The following APC variants were observed in gnomAD, a reference collection of about 807,000 sequenced individuals.
APC encodes APC regulator of Wnt signaling pathway.
APC carries 72 observed loss-of-function variants against 247.0 expected under a neutral mutation model. That is an observed-to-expected ratio of 0.29 (90% CI 0.24 to 0.35). The LOEUF is 0.35. APC is among the 10% of genes least tolerant of loss of function. The probability of loss-of-function intolerance (pLI) is 1.00; values close to 1 mark genes in which losing one functional copy is unlikely to be tolerated. For synonymous variants in APC, 1,254 were observed against 1,162.5 expected (o/e 1.08, Z -1.60); for missense variants, 3,400 against 3,360.7 (o/e 1.01, Z -0.29).
chr5:112,761,070 A>T (rs1755607258), intron 2 of APC, among the ~76,000 whole-genome samples: 1 of 152,144 alleles, frequency 6.6e-6, no homozygotes. Flanking sequence ...CGGCCTCCCA[A>T]AGTGCTGAGA....
intron 15 of APC, among the ~76,000 whole-genome samples, chr5:112,836,911 G>C (rs998543757): frequency 6.6e-6 from 1 of 152,038 alleles, no homozygotes; most frequent in East Asian, 1.9e-4. Flanking sequence ...ATGTTGGCCA[G>C]GCTGGTCTTG....
At chr5:112,721,339 G>A (rs572102931) in intron 1 of APC, among the ~76,000 whole-genome samples, 5 of 152,084 alleles carry the variant, frequency 3.3e-5, no homozygotes, top group Admixed American at 6.6e-5. Context: ...ACTTGAACCC[G>A]GAAGACGGAG....
chr5:112,713,106 G>A (rs1455321570), intron 1 of APC, among the ~76,000 whole-genome samples: 1 of 148,786 alleles, frequency 6.7e-6, no homozygotes, highest in Non-Finnish European at 1.5e-5. Flanking sequence ...AGGAAGTGGA[G>A]GTTGCAGTGA....
intron 1 of APC, among the ~76,000 whole-genome samples, chr5:112,717,141 G>A (rs984818925): frequency 6.6e-6 from 1 of 152,084 alleles, no homozygotes; most frequent in African/African-American, 2.4e-5. Flanking sequence ...CTCCTGAGTA[G>A]CTGGGATTAC....
chr5:112,707,716 C>A (rs1395970563), exon 1 of APC: 1 of 1,370,650 alleles, frequency 7.3e-7, no homozygotes, highest in Non-Finnish European at 9.6e-7. Flanking sequence ...TCGGCGCCCC[C>A]TATGTACGCC....
intron 4 of APC, among the ~76,000 whole-genome samples, chr5:112,768,872 T>C (rs190643178): frequency 1.3e-4 from 20 of 152,046 alleles, no homozygotes; most frequent in African/African-American, 4.1e-4. Flanking sequence ...TATACAGTAG[T>C]GTAGAACACA....
At chr5:112,715,708 G>A (rs902876365) in intron 1 of APC, among the ~76,000 whole-genome samples, 6 of 152,094 alleles carry the variant, frequency 3.9e-5, no homozygotes, top group Admixed American at 6.5e-5. Flanking sequence ...ATTTTGATAC[G>A]TGTATAAAAT....
intron 6 of APC, among the ~76,000 whole-genome samples, chr5:112,781,831 G>C (rs142726768): frequency 1.2e-3 from 183 of 149,632 alleles, no homozygotes; most frequent in African/African-American, 4.2e-3. Context: ...GATCTCACCT[G>C]CAACTTCCGC....
chr5:112,744,262 A>G (rs971867543), intron 1 of APC, among the ~76,000 whole-genome samples: 5 of 152,050 alleles, frequency 3.3e-5, no homozygotes, highest in African/African-American at 1.2e-4. Flanking sequence ...ATATTGTCTT[A>G]CTTTTTTTAT....
intron 4 of APC, among the ~76,000 whole-genome samples, chr5:112,774,676 C>A (rs1349701538): frequency 1.3e-5 from 2 of 151,596 alleles, no homozygotes; most frequent in South Asian, 2.1e-4. Flanking sequence ...GGGTTTTCAT[C>A]ATGTTGCCCA....
chr5:112,832,036 G>C (rs1318214275), intron 14 of APC, among the ~76,000 whole-genome samples: 1 of 152,116 alleles, frequency 6.6e-6, no homozygotes, highest in African/African-American at 2.4e-5. Context: ...TAGATTTGTA[G>C]ATTTATTTAA....
At chr5:112,804,484 G>A (rs1347978589) in intron 8 of APC, among the ~76,000 whole-genome samples, 1 of 152,064 alleles carries the variant, frequency 6.6e-6, no homozygotes, top group Non-Finnish European at 1.5e-5. Context: ...CTAGGTTCAA[G>A]CAATTCTGCC....
chr5:112,773,576 GTATGT>G (rs1356910858), intron 4 of APC, among the ~76,000 whole-genome samples: 4 of 152,074 alleles, frequency 2.6e-5, no homozygotes, highest in East Asian at 3.9e-4. Context: ...CAAATATTTT[GTATGT>G]TATATGTATT....
At chr5:112,836,181 C>CCAA (rs1764920820) in intron 15 of APC, among the ~76,000 whole-genome samples, 1 of 81,096 alleles carries the variant, frequency 1.2e-5, no homozygotes, top group Non-Finnish European at 3.0e-5. Context: ...CCCCCCCCCG[C>CCAA]CACCGTGCCC....
At position 112,767,202 on chromosome 5, in the gene APC, T is replaced by A. The variant is rs765434321; in HGVS notation, c.234T>A (p.Asp78Glu). The A allele has an allele frequency of 6.2e-7, 1 of 1,613,790 alleles. No individual in the cohort carries two copies. The highest frequency in any genetic ancestry group is 1.1e-5 in the South Asian group (1 of 91,080). Reference sequence around the variant, plus strand: ...TATTTTATTTAGAGCTTAACTTAGATAGCAGTAATTTCCCTGGAGTAAAAC... The same window carrying A: ...TATTTTATTTAGAGCTTAACTTAGAAAGCAGTAATTTCCCTGGAGTAAAAC... ...LLERLKELNL[D>E]SSNFPGVKLR... Residue 78 changes from aspartate (D) to glutamate (E), a missense_variant, in exon 4 of 16, where the codon GAT becomes GAA. This residue lies in a region of APC where 372 missense variants were observed against 367.6 expected (regional missense o/e 1.01). Transcript: ENST00000257430.
chr5:112,773,849 C>T (rs560960861), intron 4 of APC, among the ~76,000 whole-genome samples: 1 of 152,066 alleles, frequency 6.6e-6, no homozygotes, highest in South Asian at 2.1e-4. Flanking sequence ...GGTTTATAAA[C>T]TTGAACAAAA....
intron 4 of APC, among the ~76,000 whole-genome samples, chr5:112,775,011 ACT>A (rs1474849252): frequency 6.6e-6 from 1 of 152,094 alleles, no homozygotes; most frequent in Non-Finnish European, 1.5e-5. Flanking sequence ...TCCCTGTAAC[ACT>A]CTTACTGTGC....
In APC at chr5:112,819,093, C is replaced by T. The variant is rs1060503337; in HGVS notation, c.1061C>T (p.Pro354Leu). The T allele has an allele frequency of 6.2e-7, 1 of 1,614,110 alleles. No individual in the cohort carries two copies. Among genetic ancestry groups the T allele is most frequent in the Non-Finnish European group, 8.5e-7 (1 of 1,179,994 alleles). ...CISMRQSGCL[P>L]LLIQLLHGND... ...TCCATGCGACAGTCTGGATGTCTTC[C>T]TCTCCTCATCCAGCTTTTACATGGC... The change falls in exon 10 of 16, where the codon CCT (proline) becomes CTT (leucine). Residue 354 changes from proline (P) to leucine (L), a missense_variant. Transcript: ENST00000257430.
chr5:112,837,583 A>G lies in APC; in HGVS notation c.1989A>G (p.Gln663=), dbSNP rs864622539. The G allele has an allele frequency of 3.7e-6, 6 of 1,613,066 alleles. No individual in the cohort carries two copies. The highest frequency in any genetic ancestry group is 1.3e-5 in the African/African-American group (1 of 75,036). ...RQILRENNCL[Q]TLLQHLKSHS... is the part of the protein sequence containing the mutation. ...TCCTAAGAGAGAACAACTGTCTACA[A>G]ACTTTATTACAACACTTAAAATCTC... Residue 663 remains glutamine, a synonymous_variant, in exon 16 of 16, where the codon CAA becomes CAG. Coordinates refer to ENST00000257430, the MANE Select transcript of APC (RefSeq NM_000038.6).
Sources: gnomAD v4.1 joint callset for allele counts (sites outside exome capture counted in the v4.1 genomes callset) on GRCh38, gnomAD v4.1.1 for gene constraint, gnomAD v4.1.1 regional missense constraint, MANE v1.5 for transcripts, NCBI Gene and HGNC (gene_info 2026-07-23, HGNC 2026-07-21) for gene names.